Variants in PARD3 observed in about 807,000 individuals in gnomAD.
The protein encoded by PARD3 is par-3 family cell polarity regulator, also known as partitioning defective 3 homolog.
In PARD3, 75 loss-of-function variants were observed where a neutral mutation model predicts 155.4. The ratio of observed to expected loss-of-function variants is 0.48; its 90% confidence interval spans 0.40 to 0.58. The LOEUF (loss-of-function observed/expected upper bound fraction) is 0.58. PARD3 is among the 20% of genes least tolerant of loss of function. The probability of loss-of-function intolerance (pLI) is 0.00; values close to 1 mark genes in which losing one functional copy is unlikely to be tolerated. For synonymous variants in PARD3, 576 were observed against 610.5 expected (o/e 0.94, Z 0.83); for missense variants, 1,642 against 1,721.7 (o/e 0.95, Z 0.82).
rs1175826118 is a variant in PARD3 at position 34,427,011 on chromosome 10, GACTTT to G, written c.714+23301_714+23305del. Among the ~76,000 whole-genome samples the G allele has an allele frequency of 9.2e-5, 14 of 152,316 alleles. No individual in the cohort carries two copies. In the East Asian group the frequency reaches 9.6e-4, roughly 10 times the overall value. ...AATACTCTTGTGATTTCCTATGCCT[GACTTT>G]ACTTTAATCTCTTAATCCTGTCATC... On this transcript the variant is annotated intron_variant, in intron 5 of 24. Coordinates refer to ENST00000374788, the MANE Select transcript of PARD3 (RefSeq NM_001184785.2).
chr10:34,793,904 G>A (rs1841961070), intron 1 of PARD3, among the ~76,000 whole-genome samples: 1 of 152,112 alleles, frequency 6.6e-6, no homozygotes, highest in South Asian at 2.1e-4. Flanking sequence ...TTTATCCCCT[G>A]ATACCTTCAA....
At chr10:34,359,676 C>G (rs1272611589) in intron 13 of PARD3, among the ~76,000 whole-genome samples, 1 of 152,076 alleles carries the variant, frequency 6.6e-6, no homozygotes, top group African/African-American at 2.4e-5. Context: ...TAGACAGTTG[C>G]AGAGAACTGT....
At chr10:34,282,014 C>T (rs1198585698) in intron 21 of PARD3, among the ~76,000 whole-genome samples, 1 of 151,868 alleles carries the variant, frequency 6.6e-6, no homozygotes, top group Admixed American at 6.6e-5. Flanking sequence ...AAGGAAGCTG[C>T]AGTTTCCATT....
intron 2 of PARD3, among the ~76,000 whole-genome samples, chr10:34,666,796 A>AAAAAATATATAT (rs1358640964): frequency 1.0e-4 from 7 of 66,922 alleles, no homozygotes; most frequent in African/African-American, 2.4e-4. Context: ...AAAAAAAAAA[A>AAAAAATATATAT]ATATATATAT....
chr10:34,266,305 C>T (rs1955302746), intron 22 of PARD3, among the ~76,000 whole-genome samples: 1 of 151,912 alleles, frequency 6.6e-6, no homozygotes. Context: ...CAAGAACAGA[C>T]AATGGAGGTG....
chr10:34,435,676 C>CAA (rs2076152057), intron 5 of PARD3, among the ~76,000 whole-genome samples: 1 of 152,144 alleles, frequency 6.6e-6, no homozygotes, highest in Non-Finnish European at 1.5e-5. Flanking sequence ...CATTCATTCA[C>CAA]AAAAGTTTAA....
At chr10:34,330,727 A>C (rs1026558543) in intron 19 of PARD3, among the ~76,000 whole-genome samples, 12 of 152,314 alleles carry the variant, frequency 7.9e-5, no homozygotes, top group Non-Finnish European at 1.3e-4. Context: ...CTTTTTAAAA[A>C]CAAGCAACTT....
At chr10:34,361,597 A>G (rs1589303607) in intron 12 of PARD3, among the ~76,000 whole-genome samples, 1 of 152,364 alleles carries the variant, frequency 6.6e-6, no homozygotes, top group East Asian at 1.9e-4. Context: ...AGATGTCTCA[A>G]TTAGATAAAA....
chr10:34,599,019 C>T (rs765425067), intron 2 of PARD3, among the ~76,000 whole-genome samples: 45 of 152,212 alleles, frequency 3.0e-4, no homozygotes, highest in Admixed American at 2.1e-3. Context: ...CTGCGCCTTC[C>T]CCTGCAGCTA....
At chr10:34,564,611 G>A (rs927107276) in intron 2 of PARD3, among the ~76,000 whole-genome samples, 7 of 152,200 alleles carry the variant, frequency 4.6e-5, no homozygotes, top group African/African-American at 1.7e-4. Context: ...AGAGGAAAGA[G>A]AAAGAGTTGG....
At chr10:34,457,036 C>T (rs2077375551) in intron 4 of PARD3, among the ~76,000 whole-genome samples, 1 of 152,130 alleles carries the variant, frequency 6.6e-6, no homozygotes. Flanking sequence ...GCAGCAAACC[C>T]TTCAAGTTGA....
intron 22 of PARD3, among the ~76,000 whole-genome samples, chr10:34,167,861 C>T (rs1949607268): frequency 6.6e-6 from 1 of 151,898 alleles, no homozygotes; most frequent in Admixed American, 6.6e-5. Context: ...CATTTGTGTC[C>T]TCTGATACAA....
chr10:34,387,031 T>C (rs561814288), intron 7 of PARD3, among the ~76,000 whole-genome samples: 10 of 152,218 alleles, frequency 6.6e-5, no homozygotes, highest in Admixed American at 2.0e-4. Context: ...GTGCCACAGC[T>C]GTAGTTAAAA....
intron 1 of PARD3, among the ~76,000 whole-genome samples, chr10:34,761,600 T>C (rs1277298978): frequency 6.6e-6 from 1 of 152,158 alleles, no homozygotes; most frequent in African/African-American, 2.4e-5. Context: ...CAGTGGCAAA[T>C]AATGGCCTAT....
intron 2 of PARD3, among the ~76,000 whole-genome samples, chr10:34,526,077 TATC>T (rs1397552696): frequency 1.5e-5 from 1 of 67,360 alleles, no homozygotes; most frequent in African/African-American, 9.1e-5. Context: ...AGAGACTCCG[TATC>T]AAAAAAAAAA....
intron 2 of PARD3, among the ~76,000 whole-genome samples, chr10:34,573,729 AAACAAAAACACAC>A (rs1564367650): frequency 2.8e-4 from 25 of 90,436 alleles, no homozygotes; most frequent in African/African-American, 6.9e-4. Context: ...ACAAACAAAC[AAACAAAAACACAC>A]ACACACACAC....
At position 34,625,322 on chromosome 10, in the gene PARD3, T is replaced by C. The variant is rs76172243; in HGVS notation, c.222+70996A>G. 2.9e-3 allele frequency among the ~76,000 whole-genome samples: 448 copies of C among 152,298 alleles called. 2 individuals are homozygous for C. The highest frequency in any genetic ancestry group is 9.9e-3 in the African/African-American group (412 of 41,574). ...TACTTTGTGAAATCAGAAAGGAGCT[T>C]AAACAATACACTTACTGAGCACCAA... On this transcript the variant is annotated intron_variant, in intron 2 of 24. Transcript: ENST00000374788.
At chr10:34,287,133 C>T (rs562577889) in intron 20 of PARD3, among the ~76,000 whole-genome samples, 1 of 152,220 alleles carries the variant, frequency 6.6e-6, no homozygotes, top group South Asian at 2.1e-4. Flanking sequence ...TGTCAGCAGA[C>T]AGCATTTAAA....
chr10:34,322,273 T>C (rs1958428146), intron 19 of PARD3, among the ~76,000 whole-genome samples: 1 of 152,180 alleles, frequency 6.6e-6, no homozygotes, highest in Non-Finnish European at 1.5e-5. Flanking sequence ...AATTACCCTA[T>C]GGATAGCTGA....
Sources: gnomAD v4.1 joint callset for allele counts (sites outside exome capture counted in the v4.1 genomes callset) on GRCh38, gnomAD v4.1.1 for gene constraint, MANE v1.5 for transcripts, NCBI Gene and HGNC (gene_info 2026-07-23, HGNC 2026-07-21) for gene names.